The following ZFP36L2 variants were observed in gnomAD, a reference collection of about 807,000 sequenced individuals.
ZFP36L2 encodes the protein ZFP36 like 2 zinc finger CCCH-type.
Under a neutral mutation model 27.9 loss-of-function variants are expected in ZFP36L2, and 16 were observed. The ratio of observed to expected loss-of-function variants is 0.57; its 90% confidence interval spans 0.39 to 0.87. The LOEUF is 0.87. ZFP36L2 is among the 40% of genes least tolerant of loss of function. ZFP36L2 has a pLI of 0.00. For missense variants in ZFP36L2, 989 were observed against 726.9 expected (o/e 1.36, Z -4.15); for synonymous variants, 600 against 363.8 (o/e 1.65, Z -7.39).
Position 43,225,411 on chromosome 2 carries a change from G to A in ZFP36L2, c.393C>T (p.Ser131=), listed in dbSNP as rs1229532818. The part of the protein sequence containing the change: ...DRSFSENGDR[S]QHLLHLQQQQ... The stretch of plus-strand genomic sequence containing the variant: ...GCTGCTGCAGGTGCAGGAGGTGCTG[G>A]CTGCGATCGCCGTTCTCGCTAAACG... The change falls in exon 2 of 2, where the codon AGC becomes AGT. Residue 131 remains serine, a synonymous_variant. Transcript: ENST00000282388. 3.1e-6 allele frequency: 5 copies of A among 1,613,332 alleles called. No individual in the cohort carries two copies. In the African/African-American group the frequency reaches 4.0e-5, roughly 13 times the overall value.
In ZFP36L2 at chr2:43,225,483, GC is replaced by G. The variant is rs749991294; in HGVS notation, c.320del (p.Gly107AlafsTer80). On this transcript the variant is annotated frameshift_variant, in exon 2 of 2. Coordinates refer to ENST00000282388, the MANE Select transcript of ZFP36L2 (RefSeq NM_006887.5). LOFTEE classifies it high-confidence loss of function. ...CCTTGTTGAGCAGGGCTGTGCCGCC[GC>G]CCCCCGACGGCTCCTTAAGGGTGCC... Reference protein sequence around the residue: ...SYGTLKEPSGGGGTALLNKEN... With the variant: ...SYGTLKEPSGXGGTALLNKEN... 6.2e-7 allele frequency: 1 copy of G among 1,610,486 alleles called. No homozygotes were observed.
chr2:43,226,398 C>T lies in ZFP36L2; in HGVS notation c.-83G>A, dbSNP rs1189059492. 1 of 1,519,798 alleles carries T rather than the reference C, an allele frequency of 6.6e-7. No homozygotes were observed. Among genetic ancestry groups the T allele is most frequent in the Non-Finnish European group, 8.9e-7 (1 of 1,120,670 alleles). The allele number at this position is 1,519,798 out of a possible 1,614,324, so 94.1% of individuals were successfully genotyped here. A position where few individuals can be genotyped will look rare whatever the true frequency, so the allele number is the denominator to read the frequency against. On this transcript the variant is annotated 5_prime_UTR_variant, in exon 1 of 2. The change creates a new upstream start codon in the 5' untranslated region. Transcript: ENST00000282388. ...GGGCGGCGTGGCCGGGCTTGAGCCA[C>T]GACGAATAACGGGCGAGGGGCGGGG...
rs1667057652 is a variant in ZFP36L2, at chr2:43,225,005, G to A, written c.799C>T (p.His267Tyr). The A allele has an allele frequency of 3.1e-6, 5 of 1,593,178 alleles. No homozygotes were observed. The highest frequency in any genetic ancestry group is 2.2e-5 in the East Asian group (1 of 44,692). Residue 267 changes from histidine (H) to tyrosine (Y), a missense_variant, in exon 2 of 2, where the codon CAC (histidine) becomes TAC (tyrosine). By Grantham distance (83) the His-to-Tyr change is moderately conservative (BLOSUM62 2). Transcript: ENST00000282388. ...SLSFSGFPSG[H>Y]HQPPGGLESP... The stretch of plus-strand genomic sequence containing the variant: ...TCGAGGCCGCCCGGGGGCTGATGGT[G>A]GCCCGACGGGAAGCCCGAGAAGCTG...
Position 43,224,178 on chromosome 2 carries a change from G to A in ZFP36L2, c.*141C>T. Reference sequence around the variant, plus strand: ...CTCCCGGCACAGAGTTCGAGTCCAAGTGCTCGGTCGGGCTTGCAGTCTGCC... The same window carrying A: ...CTCCCGGCACAGAGTTCGAGTCCAAATGCTCGGTCGGGCTTGCAGTCTGCC... On this transcript the variant is annotated 3_prime_UTR_variant, in exon 2 of 2. Coordinates refer to ENST00000282388, the MANE Select transcript of ZFP36L2 (RefSeq NM_006887.5). The A allele has an allele frequency of 1.2e-6, 1 of 803,530 alleles. No homozygotes were observed. The highest frequency in any genetic ancestry group is 1.7e-6 in the Non-Finnish European group (1 of 590,364). The allele number at this position is 803,530 out of a possible 1,614,324, so 49.8% of individuals were successfully genotyped here.
At position 43,222,957 on chromosome 2, in the gene ZFP36L2, GTA is replaced by G. The variant is rs1667000317; in HGVS notation, c.*1360_*1361del. Reference sequence around the variant, plus strand: ...TATTGCTACATGTCTTTATACTCGAGTATGTCACAGTAGAACTGGTGGAATAA... The same window carrying G: ...TATTGCTACATGTCTTTATACTCGAGTGTCACAGTAGAACTGGTGGAATAA... On this transcript the variant is annotated 3_prime_UTR_variant, in exon 2 of 2. Transcript: ENST00000282388. 1 of 152,196 alleles carries G rather than the reference GTA, an allele frequency of 6.6e-6. No homozygotes were observed. Among genetic ancestry groups the G allele is most frequent in the Non-Finnish European group, 1.5e-5 (1 of 68,018 alleles). The allele number at this position is 152,196 out of a possible 1,614,324, so 9.4% of individuals were successfully genotyped here. A position where few individuals can be genotyped will look rare whatever the true frequency, so the allele number is the denominator to read the frequency against.
Position 43,224,401 on chromosome 2 carries a change from C to G in ZFP36L2, c.1403G>C (p.Ser468Thr). The change falls in exon 2 of 2, where the codon AGC (serine) becomes ACC (threonine). Residue 468 changes from serine (S) to threonine (T), a missense_variant. Coordinates refer to ENST00000282388, the MANE Select transcript of ZFP36L2 (RefSeq NM_006887.5). ...GCTGGGAGACTCAGAGCCGCTGAGG[C>G]TGCCGGAGCTCAGGGAGCCGCTTAG... ...SYLSGSLSSG[S>T]LSGSESPSLD... 1 of 1,560,006 alleles carries G rather than the reference C, an allele frequency of 6.4e-7. No homozygotes were observed. The highest frequency in any genetic ancestry group is 8.6e-7 in the Non-Finnish European group (1 of 1,159,042).
chr2:43,225,379 T>C lies in ZFP36L2; in HGVS notation c.425A>G (p.Lys142Arg). ...GTTGATCTGGGAGCCGCCGCCCCCC[T>C]TCTGCTGCTGCTGCAGGTGCAGGAG... is the stretch of plus-strand genomic sequence containing the variant. ...QHLLHLQQQQ[K>R]GGGGSQINST... Residue 142 changes from lysine (K) to arginine (R), a missense_variant, in exon 2 of 2, where the codon AAG (lysine) becomes AGG (arginine). Lys to Arg is a conservative substitution (Grantham distance 26). Transcript: ENST00000282388. 1 of 1,613,502 alleles carries C rather than the reference T, an allele frequency of 6.2e-7. No individual in the cohort carries two copies. The highest frequency in any genetic ancestry group is 8.5e-7 in the Non-Finnish European group (1 of 1,179,918).
rs376596495 is a variant in ZFP36L2 at position 43,225,564 on chromosome 2, G to A, written c.240C>T (p.Gly80=). 6.0e-5 allele frequency: 94 copies of A among 1,569,888 alleles called. No homozygotes were observed. The highest frequency in any genetic ancestry group is 7.7e-5 in the Non-Finnish European group (89 of 1,162,842). The part of the protein sequence containing the change: ...SPGSCSPKFP[G]AANGSSCGSA... Reference sequence around the variant, plus strand: ...TGCCGCAGCTGCTGCCGTTAGCGGCGCCCGGGAACTTGGGCGAGCAGCTGC... The same window carrying A: ...TGCCGCAGCTGCTGCCGTTAGCGGCACCCGGGAACTTGGGCGAGCAGCTGC... Residue 80 remains glycine (G), a synonymous_variant, in exon 2 of 2, where the codon GGC becomes GGT. Coordinates refer to ENST00000282388, the MANE Select transcript of ZFP36L2 (RefSeq NM_006887.5).
rs899645299 is a variant in ZFP36L2, at chr2:43,223,681, C to T, written c.*638G>A. The T allele has an allele frequency of 1.3e-5, 2 of 152,264 alleles. No individual in the cohort carries two copies. The highest frequency in any genetic ancestry group is 6.6e-5 in the Admixed American group (1 of 15,198). 9.4% of individuals were successfully genotyped at this position (152,264 alleles called of 1,614,324 possible). On this transcript the variant is annotated 3_prime_UTR_variant, in exon 2 of 2. Coordinates refer to ENST00000282388, the MANE Select transcript of ZFP36L2 (RefSeq NM_006887.5). ...CCTTTGGAATGCAAGGGTTTTTTCA[C>T]CCCCAGACATATATAATTCTGTTAA...
Position 43,226,535 on chromosome 2 carries a change from T to G in ZFP36L2, c.-220A>C, listed in dbSNP as rs1667111159. Reference sequence around the variant, plus strand: ...GGGGAAGGAGAGAAGCGAGGAGCGCTCCTCCGCGCCCCGGGGTGCCCGGCC... The same window carrying G: ...GGGGAAGGAGAGAAGCGAGGAGCGCGCCTCCGCGCCCCGGGGTGCCCGGCC... On this transcript the variant is annotated 5_prime_UTR_variant, in exon 1 of 2. Coordinates refer to ENST00000282388, the MANE Select transcript of ZFP36L2 (RefSeq NM_006887.5). The G allele has an allele frequency of 1.1e-5, 6 of 534,272 alleles. No homozygotes were observed. In the South Asian group the frequency reaches 1.2e-4, roughly 11 times the overall value. The allele number at this position is 534,272 out of a possible 1,614,324, so 33.1% of individuals were successfully genotyped here.
rs778867680 is a variant in ZFP36L2 at position 43,224,817 on chromosome 2, A to G, written c.987T>C (p.Ala329=). The change falls in exon 2 of 2, where the codon GCT becomes GCC. Residue 329 remains alanine (A), a synonymous_variant. Transcript: ENST00000282388. The part of the protein sequence containing the change: ...PTCCASAAAA[A]AAALLYGTGG... ...CGGTGCCGTACAGCAGAGCGGCCGC[A>G]GCCGCGGCCGCCGCGGAGGCGCAGC... 48 of 1,421,166 alleles carry G rather than the reference A, an allele frequency of 3.4e-5. No individual in the cohort carries two copies. Among genetic ancestry groups the G allele is most frequent in the Non-Finnish European group, 4.0e-5 (44 of 1,101,252 alleles). 88.0% of individuals were successfully genotyped at this position (1,421,166 alleles called of 1,614,324 possible).
rs1044874287 is a variant in ZFP36L2 at position 43,226,568 on chromosome 2, C to A, written c.-253G>T. ...GCCCCGGGGTGCCCGGCCCGCCCCC[C>A]CCGCGGAGCCGACGGCAGCTCGCGG... On this transcript the variant is annotated 5_prime_UTR_variant, in exon 1 of 2. Transcript: ENST00000282388. 14 of 501,174 alleles carry A rather than the reference C, an allele frequency of 2.8e-5. No homozygotes were observed. Among genetic ancestry groups the A allele is most frequent in the African/African-American group, 1.0e-4 (5 of 48,196 alleles). The allele number at this position is 501,174 out of a possible 1,614,324, so 31.0% of individuals were successfully genotyped here.
Position 43,224,861 on chromosome 2 carries a change from G to GCGTGGAGGC in ZFP36L2, c.934_942dup (p.Ala312_Thr314dup). ...GCGCAGCATGTCGGGGCGCCCGAGG[G>GCGTGGAGGC]CGTGGAGGCCGCGGAGGCCGAGGAA... On this transcript the variant is annotated inframe_insertion, in exon 2 of 2. Transcript: ENST00000282388. The GCGTGGAGGC allele has an allele frequency of 1.3e-6, 2 of 1,487,860 alleles. No homozygotes were observed. Among genetic ancestry groups the GCGTGGAGGC allele is most frequent in the Non-Finnish European group, 8.8e-7 (1 of 1,133,344 alleles). The allele number at this position is 1,487,860 out of a possible 1,614,324, so 92.2% of individuals were successfully genotyped here. A position where few individuals can be genotyped will look rare whatever the true frequency, so the allele number is the denominator to read the frequency against.
Position 43,223,843 on chromosome 2 carries a change from A to G in ZFP36L2, c.*476T>C, listed in dbSNP as rs1667020797. 6.5e-6 allele frequency: 1 copy of G among 154,170 alleles called. No individual in the cohort carries two copies. The highest frequency in any genetic ancestry group is 2.4e-5 in the African/African-American group (1 of 41,520). The allele number at this position is 154,170 out of a possible 1,614,324, so 9.6% of individuals were successfully genotyped here. The stretch of plus-strand genomic sequence containing the variant: ...GTTTACACCGGTCTGAGACACAATT[A>G]GGAACTTCTTCCAAGAGAAGGGTTC... On this transcript the variant is annotated 3_prime_UTR_variant, in exon 2 of 2. Transcript: ENST00000282388.
At chr2:43,225,858 C>A in intron 1 of ZFP36L2, 106 bp from the exon 2 acceptor site, 1 of 1,256,680 alleles carries the variant, frequency 8.0e-7, no homozygotes, top group East Asian at 2.6e-5. Flanking sequence ...CTTTTTTTCC[C>A]CCACTCTTGG....
rs1667046063 is a variant in ZFP36L2 at position 43,224,725 on chromosome 2, T to C, written c.1079A>G (p.Asn360Ser). 6.5e-7 allele frequency: 1 copy of C among 1,529,428 alleles called. No homozygotes were observed. The allele number at this position is 1,529,428 out of a possible 1,614,324, so 94.7% of individuals were successfully genotyped here. ...CAACSSASCA[N>S]NAFAFGPELS... ...CTCCGGACCGAAGGCGAAGGCGTTG[T>C]TGGCGCACGAGGCCGACGAGCAGGC... Residue 360 changes from asparagine (N) to serine (S), a missense_variant, in exon 2 of 2, where the codon AAC becomes AGC. By Grantham distance (46) the Asn-to-Ser change is conservative. Transcript: ENST00000282388.
At chr2:43,226,240 C>A in intron 1 of ZFP36L2, 25 bp downstream of exon 1, 5 of 1,565,814 alleles carry the variant, frequency 3.2e-6, no homozygotes, top group Non-Finnish European at 4.3e-6. Flanking sequence ...CGGCTGCTGC[C>A]GGCCGGGCCC....
chr2:43,226,573 G>A lies in ZFP36L2; in HGVS notation c.-258C>T, dbSNP rs1572683644. 4 of 496,862 alleles carry A rather than the reference G, an allele frequency of 8.1e-6. No homozygotes were observed. Among genetic ancestry groups the A allele is most frequent in the Admixed American group, 4.4e-5 (1 of 22,564 alleles). 30.8% of individuals were successfully genotyped at this position (496,862 alleles called of 1,614,324 possible). A position where few individuals can be genotyped will look rare whatever the true frequency, so the allele number is the denominator to read the frequency against. ...GGGGTGCCCGGCCCGCCCCCCCCGCGGAGCCGACGGCAGCTCGCGGACTGC... is the reference window on the plus strand; with the variant it reads ...GGGGTGCCCGGCCCGCCCCCCCCGCAGAGCCGACGGCAGCTCGCGGACTGC... On this transcript the variant is annotated 5_prime_UTR_variant, in exon 1 of 2. Transcript: ENST00000282388.
rs916399696 is a variant in ZFP36L2 at position 43,222,540 on chromosome 2, A to G, written c.*1779T>C. 3 of 152,298 alleles carry G rather than the reference A, an allele frequency of 2.0e-5. No homozygotes were observed. The highest frequency in any genetic ancestry group is 1.9e-4 in the East Asian group (1 of 5,340). The allele number at this position is 152,298 out of a possible 1,614,324, so 9.4% of individuals were successfully genotyped here. ...TTGACTTATCTTGTTACATTCAAAA[A>G]CCTACTTCTGTCCAAAGTAGTCCAG... On this transcript the variant is annotated 3_prime_UTR_variant, in exon 2 of 2. Transcript: ENST00000282388.
Sources: allele counts gnomAD v4.1 joint callset, GRCh38; gene constraint gnomAD v4.1.1; transcripts MANE v1.5; gene names NCBI Gene and HGNC (gene_info 2026-07-23, HGNC 2026-07-21).